The following TMEM184B variants were observed in gnomAD, a reference collection of about 807,000 sequenced individuals.
TMEM184B encodes putative MAPK-activating protein FM08.
In TMEM184B, 17 loss-of-function variants were observed where a neutral mutation model predicts 41.8. The ratio of observed to expected loss-of-function variants is 0.41; its 90% CI spans 0.28 to 0.61. TMEM184B has a LOEUF of 0.61. Ranked by LOEUF, TMEM184B falls within the 20% of genes least tolerant of loss-of-function variation. The probability of loss-of-function intolerance (pLI) is 0.34; values close to 1 mark genes in which losing one functional copy is unlikely to be tolerated. For missense variants in TMEM184B, 393 were observed against 557.8 expected (o/e 0.70, Z 2.98); for synonymous variants, 240 against 229.5 (o/e 1.05, Z -0.41).
At chr22:38,265,905 G>C (rs553746483) in intron 1 of TMEM184B, among the ~76,000 whole-genome samples, 1 of 152,334 alleles carries the variant, frequency 6.6e-6, no homozygotes, top group South Asian at 2.1e-4. Flanking sequence ...GGTAAATGGG[G>C]AACAGCCCTG....
chr22:38,226,791 T>C lies in TMEM184B; in HGVS notation c.605A>G (p.Asp202Gly). Reference protein sequence around the residue: ...VVLQAFGKYRDGDFDVTSGYL... With the variant: ...VVLQAFGKYRGGDFDVTSGYL... ...ACCCGCTGCTTACTCAAAGTCCCCA[T>C]CCCGGTACTTGCCGAAGGCCTGGAG... Residue 202 changes from aspartate to glycine, a missense_variant, in exon 6 of 9, where the codon GAT becomes GGT. Physicochemically the swap from Asp to Gly is moderately conservative, Grantham distance 94. Around this residue, in one of 2 missense-constraint regions of TMEM184B, gnomAD observed 271 missense variants for 434.1 expected, o/e 0.62. Transcript: ENST00000361906. The surrounding 1 kb of genome is among the most constrained non-coding windows in gnomAD (Gnocchi z 4.6). 6.2e-7 allele frequency: 1 copy of C among 1,602,414 alleles called. No homozygotes were observed. The highest frequency in any genetic ancestry group is 8.5e-7 in the Non-Finnish European group (1 of 1,174,594).
chr22:38,246,941 C>T (rs888988795), intron 2 of TMEM184B: 63 of 1,194,394 alleles, frequency 5.3e-5, no homozygotes, highest in Non-Finnish European at 6.3e-5. Flanking sequence ...AAGCCTTGGA[C>T]GCAAATGGGT....
At chr22:38,217,470 C>G (rs916941617), downstream of TMEM184B, among the ~76,000 whole-genome samples, 1 of 148,532 alleles carries the variant, frequency 6.7e-6, no homozygotes, top group African/African-American at 2.5e-5. Context: ...GAAACCCCGT[C>G]TCTACTAAAA....
intron 1 of TMEM184B, among the ~76,000 whole-genome samples, chr22:38,254,694 T>C (rs1260888228): frequency 2.0e-5 from 3 of 152,140 alleles, no homozygotes; most frequent in Admixed American, 2.0e-4. Context: ...TCACATCCCA[T>C]ACCTGGGTAC....
chr22:38,221,621 A>C lies in TMEM184B; in HGVS notation c.1072T>G (p.Ser358Ala), dbSNP rs2091262795. ...DIVQDAIHNF[S>A]PAYQQYTQQS... ...TGCGTGTACTGCTGGTAGGCAGGTG[A>C]GAAGTTGTGGATGGCGTCCTGCACG... Residue 358 changes from serine (S) to alanine (A), a missense_variant, in exon 9 of 9, where the codon TCA becomes GCA. This residue lies in a region of TMEM184B where 271 missense variants were observed against 434.1 expected (regional missense o/e 0.62). Coordinates refer to ENST00000361906, the MANE Select transcript of TMEM184B (RefSeq NM_012264.5). 1.2e-6 allele frequency: 2 copies of C among 1,614,092 alleles called. No individual in the cohort carries two copies. The highest frequency in any genetic ancestry group is 4.5e-5 in the East Asian group (2 of 44,850).
At chr22:38,264,377 G>A (rs368224475) in intron 1 of TMEM184B, among the ~76,000 whole-genome samples, 55 of 151,994 alleles carry the variant, frequency 3.6e-4, no homozygotes, top group Middle Eastern at 3.4e-3. Flanking sequence ...CTCCCCAGGC[G>A]CCCATGAAGA....
rs962954979 is a variant in TMEM184B, at chr22:38,241,048, T to C, written c.358+4887A>G. Among the ~76,000 whole-genome samples the C allele has an allele frequency of 1.2e-4, 19 of 152,254 alleles. No homozygotes were observed. In the East Asian group the frequency reaches 3.5e-3, roughly 28 times the overall value. On this transcript the variant is annotated intron_variant, in intron 3 of 8. Transcript: ENST00000361906. ...AACCATGAACAAGGAGGAAACAGCC[T>C]CCACGGAACAGGTGACTCAGCACAG...
rs370206143 is a variant in TMEM184B, at chr22:38,248,075, A to G, written c.-58-56T>C. On this transcript the variant is annotated intron_variant, in intron 1 of 8. Transcript: ENST00000361906. ...CTCCCAGGGCAAGTGGCAGCATTGG[A>G]AAGAATCTTCCAGGTCTCTCCACCC... 5.7e-5 allele frequency: 84 copies of G among 1,462,330 alleles called. No individual in the cohort carries two copies. In the African/African-American group the frequency reaches 1.1e-3, roughly 19 times the overall value. The allele number at this position is 1,462,330 out of a possible 1,614,324, so 90.6% of individuals were successfully genotyped here.
At chr22:38,237,256 C>T (rs563795217) in intron 3 of TMEM184B, among the ~76,000 whole-genome samples, 6 of 152,342 alleles carry the variant, frequency 3.9e-5, no homozygotes, top group African/African-American at 1.4e-4. Context: ...GCACCTAAGA[C>T]ACTTACCCCA....
At chr22:38,257,635 T>A (rs943629114) in intron 1 of TMEM184B, among the ~76,000 whole-genome samples, 5 of 152,220 alleles carry the variant, frequency 3.3e-5, no homozygotes, top group Non-Finnish European at 5.9e-5. Context: ...AAAGTAAAAA[T>A]TTTCTTTATT....
At chr22:38,217,830 CAAAA>C (rs374397588), downstream of TMEM184B, among the ~76,000 whole-genome samples, 344 of 87,822 alleles carry the variant, frequency 3.9e-3, no homozygotes, top group Admixed American at 7.7e-3. Context: ...GACTCCATCT[CAAAA>C]AAAAAAAAAA....
intron 1 of TMEM184B, among the ~76,000 whole-genome samples, chr22:38,270,299 A>G (rs1602515489): frequency 6.6e-6 from 1 of 152,000 alleles, no homozygotes; most frequent in African/African-American, 2.4e-5. Context: ...CTGGTTCAAA[A>G]CTCAGCTGTT....
chr22:38,252,836 A>G (rs552596438), intron 1 of TMEM184B, among the ~76,000 whole-genome samples: 51 of 152,290 alleles, frequency 3.3e-4, no homozygotes, highest in African/African-American at 1.2e-3. Flanking sequence ...TAGGTTATAG[A>G]AGTCCCATTA....
intron 1 of TMEM184B, among the ~76,000 whole-genome samples, chr22:38,254,257 T>A (rs1028468875): frequency 3.0e-4 from 45 of 149,116 alleles, no homozygotes; most frequent in Admixed American, 1.9e-3. Context: ...CAATCCCACT[T>A]GAAAATAGGC....
chr22:38,250,841 C>T lies in TMEM184B; in HGVS notation c.-58-2822G>A, dbSNP rs142546630. 3.0e-4 allele frequency among the ~76,000 whole-genome samples: 45 copies of T among 152,290 alleles called. No individual in the cohort carries two copies. The Middle Eastern group carries it at 0.014, about 46-fold the overall frequency. On this transcript the variant is annotated intron_variant, in intron 1 of 8. Transcript: ENST00000361906. Reference sequence around the variant, plus strand: ...AAGGCTACAGGCCAGCTTCCTCCTGCGGCTCTGCCCACTCACGTGCCCATG... The same window carrying T: ...AAGGCTACAGGCCAGCTTCCTCCTGTGGCTCTGCCCACTCACGTGCCCATG...
intron 3 of TMEM184B, among the ~76,000 whole-genome samples, chr22:38,240,910 T>C (rs1000098680): frequency 6.6e-6 from 1 of 152,064 alleles, no homozygotes; most frequent in South Asian, 2.1e-4. Flanking sequence ...TGAATACCAA[T>C]CAAATACAAC....
chr22:38,236,943 G>A (rs900482000), intron 3 of TMEM184B, among the ~76,000 whole-genome samples: 20 of 152,100 alleles, frequency 1.3e-4, no homozygotes, highest in African/African-American at 4.6e-4. Context: ...TGACTTTCCT[G>A]TCCCTTGTGG....
At chr22:38,218,133 G>A (rs1387445891), downstream of TMEM184B, among the ~76,000 whole-genome samples, 2 of 152,260 alleles carry the variant, frequency 1.3e-5, no homozygotes, top group African/African-American at 4.8e-5. Context: ...CCCATGTTTC[G>A]GAATGCCCAG....
intron 5 of TMEM184B, among the ~76,000 whole-genome samples, chr22:38,230,122 G>A (rs112327317): frequency 3.4e-4 from 30 of 88,620 alleles, no homozygotes; most frequent in Admixed American, 5.5e-4. Flanking sequence ...AAGCTAGAGC[G>A]GCTGGATTGC....
Sources: gnomAD v4.1 joint callset for allele counts (sites outside exome capture counted in the v4.1 genomes callset) on GRCh38, gnomAD v4.1.1 for gene constraint, gnomAD v4.1.1 regional missense constraint, Gnocchi (gnomAD v3.1) non-coding constraint, MANE v1.5 for transcripts, NCBI Gene and HGNC (gene_info 2026-07-23, HGNC 2026-07-21) for gene names.